GRID2: variants seen among roughly 807,000 people sequenced by gnomAD.
GRID2 encodes glutamate receptor ionotropic, delta-2.
GRID2 carries 33 observed loss-of-function variants against 114.8 expected under a neutral mutation model. The ratio of observed to expected loss-of-function variants is 0.29; its 90% CI spans 0.22 to 0.38. GRID2 has a LOEUF of 0.38. GRID2 is among the 10% of genes least tolerant of loss of function. The pLI is 1.00. For synonymous variants in GRID2, 505 were observed against 449.9 expected, an observed-to-expected ratio of 1.12 and a Z score of -1.55; for missense variants, 1,184 against 1,257.7, an observed-to-expected ratio of 0.94 and a Z score of 0.89.
At chr4:92,768,302 A>G (rs1738364773) in intron 2 of GRID2, among the ~76,000 whole-genome samples, 1 of 152,044 alleles carries the variant, frequency 6.6e-6, no homozygotes, top group South Asian at 2.1e-4. Flanking sequence ...ATTATTTTTT[A>G]CCTTTGAAAA....
chr4:92,364,560 A>AT (rs891491391), intron 1 of GRID2, among the ~76,000 whole-genome samples: 27 of 151,410 alleles, frequency 1.8e-4, no homozygotes, highest in East Asian at 9.8e-4. Context: ...AAATCAAAAG[A>AT]TTTTTTTTTC....
At chr4:93,334,506 G>T (rs1579718355) in intron 8 of GRID2, among the ~76,000 whole-genome samples, 4 of 152,294 alleles carry the variant, frequency 2.6e-5, no homozygotes, top group African/African-American at 4.8e-5. Flanking sequence ...TGTGTTATTA[G>T]TTCTGTCCCT....
At chr4:93,590,287 C>T (rs976410103) in intron 13 of GRID2, among the ~76,000 whole-genome samples, 1 of 150,288 alleles carries the variant, frequency 6.7e-6, no homozygotes, top group Non-Finnish European at 1.5e-5. Context: ...AGCCAGTTTT[C>T]CCAGCACCAT....
intron 8 of GRID2, among the ~76,000 whole-genome samples, chr4:93,380,451 C>A (rs1163064424): frequency 6.6e-6 from 1 of 150,706 alleles, no homozygotes; most frequent in Non-Finnish European, 1.5e-5. Flanking sequence ...TTTGTTATGG[C>A]AGCCATTGAA....
chr4:92,671,495 A>T (rs76535453), intron 2 of GRID2, among the ~76,000 whole-genome samples: 9,261 of 152,196 alleles, frequency 0.061, 340 homozygotes, highest in East Asian at 0.16. Context: ...TTCATTTTTT[A>T]AATCATGTTA....
At chr4:93,620,088 T>C (rs1262405792) in intron 13 of GRID2, among the ~76,000 whole-genome samples, 1 of 152,200 alleles carries the variant, frequency 6.6e-6, no homozygotes, top group Non-Finnish European at 1.5e-5. Flanking sequence ...GAATTAGATA[T>C]CCTATCAGCT....
At chr4:93,757,050 A>T (rs1365596082) in intron 14 of GRID2, among the ~76,000 whole-genome samples, 1 of 152,206 alleles carries the variant, frequency 6.6e-6, no homozygotes, top group Non-Finnish European at 1.5e-5. Flanking sequence ...GAGGAGATGG[A>T]ATCTGAGTCC....
At chr4:93,304,098 A>G (rs531558604) in intron 8 of GRID2, among the ~76,000 whole-genome samples, 8 of 151,578 alleles carry the variant, frequency 5.3e-5, no homozygotes, top group African/African-American at 1.7e-4. Context: ...ATATATTAAT[A>G]CTTACACTGA....
rs557904326 is a variant in GRID2 at position 92,680,587 on chromosome 4, T to C, written c.244+90301T>C. Among the ~76,000 whole-genome samples, 13 of 152,292 alleles carry C rather than the reference T, an allele frequency of 8.5e-5. No homozygotes were observed. In the South Asian group the frequency reaches 2.7e-3, roughly 32 times the overall value. The stretch of plus-strand genomic sequence containing the variant: ...GCAACTAAACTGAATCTTGAACAGT[T>C]TGATAAAGGCAACTAAGTAGATGAA... On this transcript the variant is annotated intron_variant, in intron 2 of 15. Transcript: ENST00000282020.
At chr4:92,868,047 T>C (rs1745012311) in intron 2 of GRID2, among the ~76,000 whole-genome samples, 1 of 139,476 alleles carries the variant, frequency 7.2e-6, no homozygotes, top group East Asian at 2.1e-4. Flanking sequence ...TTTCTTTCTT[T>C]CTTTCTTTCT....
chr4:93,780,400 G>A (rs1734456651), intron 1 of GRID2, among the ~76,000 whole-genome samples: 2 of 152,186 alleles, frequency 1.3e-5, no homozygotes, highest in South Asian at 2.1e-4. Flanking sequence ...ATGAGTGATA[G>A]GAGAAGGGCG....
rs374711068 is a variant in GRID2 at position 92,391,983 on chromosome 4, G to C, written c.88+87239G>C. ...CTTAGGACGTGACAGATCTCTGATG[G>C]TGTCTTTGTCTTCCTTCTGTTTTTG... On this transcript the variant is annotated intron_variant, in intron 1 of 15. Coordinates refer to ENST00000282020, the MANE Select transcript of GRID2 (RefSeq NM_001510.4). Among the ~76,000 whole-genome samples the C allele has an allele frequency of 7.9e-5, 12 of 152,104 alleles. No homozygotes were observed. In the East Asian group the frequency reaches 2.3e-3, roughly 29 times the overall value.
chr4:92,620,590 G>T (rs1336764799), intron 2 of GRID2, among the ~76,000 whole-genome samples: 1 of 150,774 alleles, frequency 6.6e-6, no homozygotes, highest in African/African-American at 2.4e-5. Flanking sequence ...AATTGTAAAT[G>T]GTAGTTCATA....
intron 8 of GRID2, among the ~76,000 whole-genome samples, chr4:93,366,359 C>A (rs1056154968): frequency 2.0e-5 from 3 of 152,056 alleles, no homozygotes; most frequent in African/African-American, 7.2e-5. Context: ...ATGGTCGAGA[C>A]TGCAGAGGTG....
At chr4:92,453,535 A>G (rs1379238277) in intron 1 of GRID2, among the ~76,000 whole-genome samples, 1 of 152,200 alleles carries the variant, frequency 6.6e-6, no homozygotes, top group Non-Finnish European at 1.5e-5. Context: ...TTTAATGTAC[A>G]TGTTGAAACA....
At chr4:92,364,990 A>C (rs1397966800) in intron 1 of GRID2, among the ~76,000 whole-genome samples, 1 of 152,096 alleles carries the variant, frequency 6.6e-6, no homozygotes, top group Non-Finnish European at 1.5e-5. Flanking sequence ...TCCCAGCAAA[A>C]AATAAGCAGC....
At chr4:92,474,329 G>A (rs572308071) in intron 1 of GRID2, among the ~76,000 whole-genome samples, 5 of 151,924 alleles carry the variant, frequency 3.3e-5, no homozygotes, top group Non-Finnish European at 7.4e-5. Flanking sequence ...TTTCATCCAT[G>A]TTGTCACAAA....
chr4:92,670,379 T>C, intron 2 of GRID2, among the ~76,000 whole-genome samples: 1 of 152,170 alleles, frequency 6.6e-6, no homozygotes, highest in Non-Finnish European at 1.5e-5. Context: ...TTGGGAACTT[T>C]TTTTTAAACT....
intron 2 of GRID2, among the ~76,000 whole-genome samples, chr4:92,824,939 A>G (rs1319658286): frequency 1.3e-5 from 2 of 152,142 alleles, no homozygotes; most frequent in African/African-American, 2.4e-5. Flanking sequence ...AGATAAATAT[A>G]TGAAAGTTTA....
Sources: gnomAD v4.1 joint callset for allele counts (sites outside exome capture counted in the v4.1 genomes callset) on GRCh38, gnomAD v4.1.1 for gene constraint, MANE v1.5 for transcripts, NCBI Gene and HGNC (gene_info 2026-07-23, HGNC 2026-07-21) for gene names.